DYRK1A: variants seen among roughly 807,000 people sequenced by gnomAD.
DYRK1A encodes the protein dual specificity tyrosine phosphorylation regulated kinase 1A.
DYRK1A carries 9 observed loss-of-function variants against 79.7 expected under a neutral mutation model. That is an observed-to-expected ratio of 0.11 (90% CI 0.07 to 0.20). The LOEUF is 0.20. Ranked by LOEUF, DYRK1A falls within the 10% of genes least tolerant of loss-of-function variation. The pLI is 1.00. For synonymous variants in DYRK1A, 349 were observed against 329.7 expected (o/e 1.06, Z -0.63); for missense variants, 622 against 956.0 (o/e 0.65, Z 4.61).
At chr21:37,375,519 CTTTTTTTT>C (rs58948987) in intron 1 of DYRK1A, among the ~76,000 whole-genome samples, 34 of 81,456 alleles carry the variant, frequency 4.2e-4, no homozygotes, top group Middle Eastern at 0.026. Context: ...AGGAATATTA[CTTTTTTTT>C]TTTTTTTTTT....
At chr21:37,398,035 G>A (rs2049986659) in intron 1 of DYRK1A, among the ~76,000 whole-genome samples, 1 of 148,386 alleles carries the variant, frequency 6.7e-6, no homozygotes, top group African/African-American at 2.5e-5. Context: ...AAGTTTGAGA[G>A]CAGCCTGGGA....
chr21:37,513,699 G>A lies in DYRK1A; in HGVS notation c.*1168G>A, dbSNP rs1339609369. 1.3e-5 allele frequency: 2 copies of A among 152,564 alleles called. No homozygotes were observed. The highest frequency in any genetic ancestry group is 4.8e-5 in the African/African-American group (2 of 41,428). The allele number at this position is 152,564 out of a possible 1,614,324, so 9.5% of individuals were successfully genotyped here. ...ATCTCCACCATTTCTTCTGCACAAAGATGTCTTCTGTTCATCCTGAACATT... is the reference window on the plus strand; with the variant it reads ...ATCTCCACCATTTCTTCTGCACAAAAATGTCTTCTGTTCATCCTGAACATT... On this transcript the variant is annotated 3_prime_UTR_variant, in exon 12 of 12. Coordinates refer to ENST00000647188, the MANE Select transcript of DYRK1A (RefSeq NM_001347721.2).
At chr21:37,377,048 C>CT (rs1267427866) in intron 1 of DYRK1A, among the ~76,000 whole-genome samples, 11 of 152,150 alleles carry the variant, frequency 7.2e-5, no homozygotes, top group Non-Finnish European at 1.5e-5. Context: ...TACACAGTGT[C>CT]TGTGTATTTA....
intron 1 of DYRK1A, among the ~76,000 whole-genome samples, chr21:37,387,502 A>G (rs2049783028): frequency 6.6e-6 from 1 of 152,198 alleles, no homozygotes; most frequent in African/African-American, 2.4e-5. Flanking sequence ...AGTTTTTGGT[A>G]TAATAAAAAA....
chr21:37,384,141 A>C (rs947891460), intron 1 of DYRK1A, among the ~76,000 whole-genome samples: 1 of 152,110 alleles, frequency 6.6e-6, no homozygotes, highest in African/African-American at 2.4e-5. Context: ...ACGTGGCCCC[A>C]CTAAGTTGAG....
intron 1 of DYRK1A, among the ~76,000 whole-genome samples, chr21:37,413,312 A>G (rs1268630024): frequency 6.6e-6 from 1 of 152,228 alleles, no homozygotes; most frequent in Non-Finnish European, 1.5e-5. Context: ...GGTTTATAAA[A>G]TGATATATAA....
At chr21:37,372,006 A>G (rs1250255828) in intron 1 of DYRK1A, among the ~76,000 whole-genome samples, 1 of 152,126 alleles carries the variant, frequency 6.6e-6, no homozygotes, top group Non-Finnish European at 1.5e-5. Flanking sequence ...ATATAGAGCC[A>G]TTTCGACATC....
chr21:37,522,151 A>C lies in DYRK1A; in HGVS notation c.*9620A>C, dbSNP rs1438336515. On this transcript the variant is annotated 3_prime_UTR_variant, in exon 12 of 12. Coordinates refer to ENST00000647188, the MANE Select transcript of DYRK1A (RefSeq NM_001347721.2). ...ATGGTTTTTAGATCTATCAAGGGATAGAAGATTGTCCAGCCCCTTGCTGCC... is the reference window on the plus strand; with the variant it reads ...ATGGTTTTTAGATCTATCAAGGGATCGAAGATTGTCCAGCCCCTTGCTGCC... The C allele has an allele frequency of 6.6e-6, 1 of 152,204 alleles. No homozygotes were observed. Among genetic ancestry groups the C allele is most frequent in the African/African-American group, 2.4e-5 (1 of 41,448 alleles). The allele number at this position is 152,204 out of a possible 1,614,324, so 9.4% of individuals were successfully genotyped here. A position where few individuals can be genotyped will look rare whatever the true frequency, so the allele number is the denominator to read the frequency against.
At chr21:37,448,581 T>A (rs1446739849) in intron 2 of DYRK1A, among the ~76,000 whole-genome samples, 1 of 152,238 alleles carries the variant, frequency 6.6e-6, no homozygotes, top group African/African-American at 2.4e-5. Context: ...ATAGGTATGA[T>A]TTATATTTCT....
At chr21:37,470,204 G>A (rs1178724415) in intron 2 of DYRK1A, among the ~76,000 whole-genome samples, 1 of 152,126 alleles carries the variant, frequency 6.6e-6, no homozygotes, top group African/African-American at 2.4e-5. Context: ...AACTTTTGAG[G>A]AAGAGGAAGG....
chr21:37,428,508 T>G (rs1181062269), intron 2 of DYRK1A, among the ~76,000 whole-genome samples: 1 of 152,172 alleles, frequency 6.6e-6, no homozygotes, highest in Admixed American at 6.5e-5. Flanking sequence ...TTCTGGAAAG[T>G]TTTTTAGATG....
At chr21:37,496,339 A>G in intron 9 of DYRK1A, 81 bp downstream of exon 9, 1 of 1,407,314 alleles carries the variant, frequency 7.1e-7, no homozygotes, top group Non-Finnish European at 9.7e-7. Flanking sequence ...TTTTGCATTT[A>G]CTTGAAATCA....
intron 4 of DYRK1A, among the ~76,000 whole-genome samples, chr21:37,479,142 G>T (rs1209466525): frequency 1.3e-5 from 2 of 151,366 alleles, no homozygotes; most frequent in Non-Finnish European, 2.9e-5. Context: ...ATGTTCTTAG[G>T]TACATGCAAA....
intron 2 of DYRK1A, among the ~76,000 whole-genome samples, chr21:37,424,247 T>C (rs1364697809): frequency 6.6e-6 from 1 of 152,162 alleles, no homozygotes; most frequent in Non-Finnish European, 1.5e-5. Flanking sequence ...CAGTTTGACT[T>C]TTTTCTTACT....
intron 2 of DYRK1A, among the ~76,000 whole-genome samples, chr21:37,428,080 C>T (rs1030405078): frequency 3.9e-5 from 6 of 152,112 alleles, no homozygotes; most frequent in South Asian, 4.1e-4. Flanking sequence ...GACAGAGGTT[C>T]GGTAGCCTGC....
At chr21:37,372,145 G>A (rs2049444320) in intron 1 of DYRK1A, among the ~76,000 whole-genome samples, 1 of 151,934 alleles carries the variant, frequency 6.6e-6, no homozygotes, top group South Asian at 2.1e-4. Flanking sequence ...CATGTATTTG[G>A]GTAAAAAGAT....
intron 2 of DYRK1A, chr21:37,455,984 A>G (rs2051623983): frequency 1.3e-5 from 2 of 152,182 alleles, no homozygotes; most frequent in Admixed American, 1.3e-4. Context: ...TAAAGATGAA[A>G]CTGGAGTTGT....
chr21:37,383,025 G>C (rs1162380290), intron 1 of DYRK1A, among the ~76,000 whole-genome samples: 2 of 152,112 alleles, frequency 1.3e-5, no homozygotes, highest in African/African-American at 4.8e-5. Context: ...TTTGTGAGAG[G>C]GAGAGCGATC....
chr21:37,367,700 G>C (rs1355160803), intron 1 of DYRK1A, 72 bp downstream of exon 1: 3 of 145,974 alleles, frequency 2.1e-5, no homozygotes, highest in Non-Finnish European at 4.6e-5. Context: ...CAGCCGGGCC[G>C]GAGCCGAGGC....
Sources: allele counts gnomAD v4.1 joint callset (sites outside exome capture counted in the v4.1 genomes callset), GRCh38; gene constraint gnomAD v4.1.1; transcripts MANE v1.5; gene names NCBI Gene and HGNC (gene_info 2026-07-23, HGNC 2026-07-21).